KLHL1: variants seen among roughly 807,000 people sequenced by gnomAD.
KLHL1 encodes the protein kelch-like protein 1.
A neutral mutation model predicts 77.7 loss-of-function variants in KLHL1; 47 were observed. The observed-to-expected ratio is 0.60, with a 90% CI of 0.48 to 0.77. The LOEUF is 0.77. Among genes scored for constraint, KLHL1 ranks in the 30% least tolerant of loss-of-function variants. The pLI is 0.00. For synonymous variants in KLHL1, 360 were observed against 325.2 expected (o/e 1.11, Z -1.15); for missense variants, 925 against 910.8 (o/e 1.02, Z -0.20).
intron 1 of KLHL1, among the ~76,000 whole-genome samples, chr13:70,067,987 T>G (rs1887049931): frequency 6.6e-6 from 1 of 151,700 alleles, no homozygotes; most frequent in African/African-American, 2.4e-5. Flanking sequence ...CTGTTTCTTT[T>G]CAAATGTTTA....
intron 1 of KLHL1, among the ~76,000 whole-genome samples, chr13:70,088,855 GA>G (rs10691528): frequency 3.3e-5 from 5 of 150,382 alleles, no homozygotes; most frequent in Admixed American, 6.6e-5. Flanking sequence ...ATCAGAAAAA[GA>G]AAAAAAAACT....
At chr13:69,912,613 C>A (rs2138245979) in intron 4 of KLHL1, among the ~76,000 whole-genome samples, 1 of 152,156 alleles carries the variant, frequency 6.6e-6, no homozygotes, top group East Asian at 1.9e-4. Context: ...CCATGCCAGT[C>A]ATCTCCAGGT....
intron 1 of KLHL1, among the ~76,000 whole-genome samples, chr13:70,005,895 A>C (rs1885394132): frequency 6.6e-6 from 1 of 151,984 alleles, no homozygotes. Context: ...TCTCTTTAGC[A>C]AATTCTGAAG....
intron 7 of KLHL1, among the ~76,000 whole-genome samples, chr13:69,743,798 A>G (rs7139929): frequency 0.049 from 7,055 of 143,270 alleles, 516 homozygotes; most frequent in African/African-American, 0.16. Flanking sequence ...AAAAAACACC[A>G]AAAAACAAAA....
chr13:69,737,893 A>G (rs1384180741), intron 8 of KLHL1, among the ~76,000 whole-genome samples: 2 of 152,258 alleles, frequency 1.3e-5, no homozygotes, highest in East Asian at 1.9e-4. Flanking sequence ...CTGCAGTCAG[A>G]CTGCTTATTT....
At chr13:70,035,045 T>C (rs1217890364) in intron 1 of KLHL1, among the ~76,000 whole-genome samples, 2 of 152,130 alleles carry the variant, frequency 1.3e-5, no homozygotes, top group East Asian at 3.9e-4. Flanking sequence ...CTTCTTGGCA[T>C]CATAACTAAA....
chr13:69,788,027 A>G (rs1330704585), intron 7 of KLHL1, among the ~76,000 whole-genome samples: 1 of 152,224 alleles, frequency 6.6e-6, no homozygotes, highest in Admixed American at 6.5e-5. Flanking sequence ...GCTGGAGAGG[A>G]TGTGGAGAAA....
chr13:69,956,026 TTATATATATTTATATATATTTGA>T (rs1883866126), intron 3 of KLHL1, among the ~76,000 whole-genome samples: 1 of 97,774 alleles, frequency 1.0e-5, no homozygotes, highest in Non-Finnish European at 2.1e-5. Context: ...TGATATATAT[TTATATATATTTATATATATTTGA>T]TATATATATT....
intron 7 of KLHL1, among the ~76,000 whole-genome samples, chr13:69,754,322 A>G (rs1036276500): frequency 3.3e-5 from 5 of 152,140 alleles, no homozygotes; most frequent in Non-Finnish European, 7.3e-5. Context: ...TTAAAAATGT[A>G]AAGTCCCAAA....
intron 8 of KLHL1, among the ~76,000 whole-genome samples, chr13:69,732,743 C>A (rs925318575): frequency 6.6e-6 from 1 of 151,846 alleles, no homozygotes; most frequent in Non-Finnish European, 1.5e-5. Context: ...ACCAGACACA[C>A]CTAGTTTGCG....
rs553529970 is a variant in KLHL1, at chr13:69,830,301, C to G, written c.1414+8675G>C. 5.3e-4 allele frequency among the ~76,000 whole-genome samples: 80 copies of G among 150,108 alleles called. 5 individuals carry two copies. Among genetic ancestry groups the G allele is most frequent in the African/African-American group, 1.8e-3 (71 of 40,046 alleles). On this transcript the variant is annotated intron_variant, in intron 6 of 10. Transcript: ENST00000377844. ...CCAAAAGTGAACAGGAGTAGCTATT[C>G]TTATATCAGACAAACAGACTTTAAA...
intron 1 of KLHL1, among the ~76,000 whole-genome samples, chr13:70,024,618 A>ATTTCTCTCTCTCTCCCTCTTTCTCTC (rs1347223311): frequency 8.0e-4 from 50 of 62,590 alleles, no homozygotes; most frequent in Non-Finnish European, 1.7e-3. Flanking sequence ...AGGAGAAAAG[A>ATTTCTCTCTCTCTCCCTCTTTCTCTC]TTTCTCTCTC....
intron 2 of KLHL1, among the ~76,000 whole-genome samples, chr13:69,975,071 A>C (rs1884503455): frequency 6.6e-6 from 1 of 152,068 alleles, no homozygotes; most frequent in Non-Finnish European, 1.5e-5. Flanking sequence ...TTCTGGAATC[A>C]TTTTAATGAA....
intron 4 of KLHL1, among the ~76,000 whole-genome samples, chr13:69,908,865 G>GT (rs920342234): frequency 1.3e-5 from 2 of 150,600 alleles, no homozygotes; most frequent in African/African-American, 2.4e-5. Context: ...ATTTTACAGT[G>GT]TTAAAAGAGT....
chr13:69,948,985 G>A (rs55993203), intron 3 of KLHL1, among the ~76,000 whole-genome samples: 20,990 of 151,708 alleles, frequency 0.14, 2,386 homozygotes, highest in African/African-American at 0.29. Flanking sequence ...GACATTTTTA[G>A]TAACTCATAG....
intron 7 of KLHL1, among the ~76,000 whole-genome samples, chr13:69,771,989 T>C (rs1239667765): frequency 6.6e-6 from 1 of 152,056 alleles, no homozygotes; most frequent in Non-Finnish European, 1.5e-5. Flanking sequence ...TCTCACTCTA[T>C]TGCCCTGGCA....
At chr13:69,891,326 AAAG>A (rs973658743) in intron 4 of KLHL1, among the ~76,000 whole-genome samples, 3 of 152,088 alleles carry the variant, frequency 2.0e-5, no homozygotes, top group South Asian at 2.1e-4. Context: ...ATTTTTTAAA[AAAG>A]AAGAATTTTA....
intron 1 of KLHL1, among the ~76,000 whole-genome samples, chr13:69,993,618 T>G (rs1039772378): frequency 3.9e-5 from 6 of 152,150 alleles, no homozygotes; most frequent in Non-Finnish European, 7.4e-5. Flanking sequence ...CCATGCTGAC[T>G]GTGAATTCCA....
At chr13:70,099,155 G>A (rs1593742920) in intron 1 of KLHL1, among the ~76,000 whole-genome samples, 1 of 150,926 alleles carries the variant, frequency 6.6e-6, no homozygotes, top group Admixed American at 6.6e-5. Flanking sequence ...AGTTTTTTAA[G>A]TTTTACAATT....
Sources: allele counts gnomAD v4.1 joint callset (sites outside exome capture counted in the v4.1 genomes callset), GRCh38; gene constraint gnomAD v4.1.1; transcripts MANE v1.5; gene names NCBI Gene and HGNC (gene_info 2026-07-23, HGNC 2026-07-21).